The following ROBO1 variants were observed in gnomAD, a reference collection of about 807,000 sequenced individuals.
The protein encoded by ROBO1 is roundabout homolog 1.
A neutral mutation model predicts 195.9 loss-of-function variants in ROBO1; 149 were observed. The observed-to-expected ratio is 0.76, with a 90% CI of 0.67 to 0.87. The LOEUF (loss-of-function observed/expected upper bound fraction) is 0.87. Among genes scored for constraint, ROBO1 ranks in the 40% least tolerant of loss-of-function variants. ROBO1 has a pLI of 0.00. For synonymous variants in ROBO1, 816 were observed against 733.2 expected (o/e 1.11, Z -1.82); for missense variants, 1,933 against 2,068.3 (o/e 0.93, Z 1.27).
intron 2 of ROBO1, among the ~76,000 whole-genome samples, chr3:79,252,234 T>C (rs1039409412): frequency 8.5e-5 from 13 of 152,248 alleles, no homozygotes; most frequent in Middle Eastern, 3.4e-3. Context: ...TGCCCAGAAT[T>C]CATGTCCACC....
chr3:79,540,975 A>G (rs766140971), intron 2 of ROBO1, among the ~76,000 whole-genome samples: 2 of 152,118 alleles, frequency 1.3e-5, no homozygotes, highest in African/African-American at 4.8e-5. Context: ...TACTTTTTTT[A>G]GACTTAATAG....
intron 2 of ROBO1, among the ~76,000 whole-genome samples, chr3:79,318,089 T>G (rs1043832631): frequency 6.6e-6 from 1 of 152,152 alleles, no homozygotes; most frequent in Non-Finnish European, 1.5e-5. Context: ...GGGCAGTCAG[T>G]CTTTTGCTCT....
At chr3:79,107,440 G>A (rs531031594) in intron 3 of ROBO1, among the ~76,000 whole-genome samples, 17 of 151,600 alleles carry the variant, frequency 1.1e-4, no homozygotes, top group Non-Finnish European at 2.1e-4. Flanking sequence ...ATTTTACTGA[G>A]CATCATATAA....
chr3:79,275,037 C>T (rs1219357010), intron 2 of ROBO1, among the ~76,000 whole-genome samples: 1 of 151,940 alleles, frequency 6.6e-6, no homozygotes, highest in African/African-American at 2.4e-5. Flanking sequence ...AGATACGCTG[C>T]TGTATTTTAC....
intron 1 of ROBO1, among the ~76,000 whole-genome samples, chr3:79,718,412 C>G (rs1702572304): frequency 6.6e-6 from 1 of 151,832 alleles, no homozygotes; most frequent in African/African-American, 2.4e-5. Flanking sequence ...TTAGCTTTGA[C>G]TTTGGGGTTG....
chr3:78,879,606 C>T (rs1010900051), intron 4 of ROBO1, among the ~76,000 whole-genome samples: 6 of 151,330 alleles, frequency 4.0e-5, no homozygotes, highest in Admixed American at 3.3e-4. Flanking sequence ...TTTGCTGGCT[C>T]ACATGTTCAA....
intron 2 of ROBO1, among the ~76,000 whole-genome samples, chr3:79,176,445 T>C (rs2108716810): frequency 6.6e-6 from 1 of 152,264 alleles, no homozygotes; most frequent in East Asian, 1.9e-4. Flanking sequence ...GGCTTGTATA[T>C]ATCTGAAGAT....
intron 1 of ROBO1, among the ~76,000 whole-genome samples, chr3:79,602,647 G>A (rs1322607872): frequency 6.6e-6 from 1 of 151,954 alleles, no homozygotes; most frequent in African/African-American, 2.4e-5. Context: ...CAGTTGGATT[G>A]CAAATTAATT....
At chr3:79,195,020 T>C (rs866270055) in intron 2 of ROBO1, among the ~76,000 whole-genome samples, 1 of 151,650 alleles carries the variant, frequency 6.6e-6, no homozygotes, top group African/African-American at 2.4e-5. Context: ...ATGGAGTCTC[T>C]GTTAACACAT....
chr3:79,753,552 C>A lies in ROBO1; in HGVS notation c.-51+14200G>T, dbSNP rs181073766. Among the ~76,000 whole-genome samples the A allele has an allele frequency of 2.7e-4, 41 of 152,246 alleles. 1 individual carries two copies. The highest frequency in any genetic ancestry group is 9.9e-4 in the African/African-American group (41 of 41,558). ...GGTGCTTCTCCTGATGTTGAGCAAG[C>A]AGTAAGTGTTCTACAGACATCATCT... is the stretch of plus-strand genomic sequence containing the variant. On this transcript the variant is annotated intron_variant, in intron 1 of 30. Transcript: ENST00000464233.
At chr3:79,294,579 A>G (rs1191942231) in intron 2 of ROBO1, among the ~76,000 whole-genome samples, 1 of 152,350 alleles carries the variant, frequency 6.6e-6, no homozygotes, top group East Asian at 1.9e-4. Flanking sequence ...CAATGGTAAC[A>G]AAAGCCAAAA....
At chr3:79,388,629 C>T (rs2036839996) in intron 2 of ROBO1, among the ~76,000 whole-genome samples, 1 of 151,962 alleles carries the variant, frequency 6.6e-6, no homozygotes, top group Non-Finnish European at 1.5e-5. Flanking sequence ...ACATGGAAGC[C>T]CACTTTAGAC....
intron 7 of ROBO1, among the ~76,000 whole-genome samples, chr3:78,716,512 C>T (rs1390070521): frequency 1.3e-5 from 2 of 152,162 alleles, no homozygotes; most frequent in African/African-American, 4.8e-5. Context: ...CAACTGATTC[C>T]ACTCTTAACA....
intron 2 of ROBO1, among the ~76,000 whole-genome samples, chr3:79,426,131 C>T (rs965844541): frequency 4.6e-5 from 7 of 151,772 alleles, no homozygotes; most frequent in East Asian, 1.9e-4. Context: ...AAGCACAATT[C>T]GAAAAATTCA....
At chr3:79,327,108 AAAAC>A (rs2034244375) in intron 2 of ROBO1, among the ~76,000 whole-genome samples, 1 of 152,164 alleles carries the variant, frequency 6.6e-6, no homozygotes, top group Admixed American at 6.5e-5. Flanking sequence ...TACACACAAA[AAAAC>A]AAATAGGAAG....
At chr3:79,121,091 C>T (rs1288520301) in intron 3 of ROBO1, among the ~76,000 whole-genome samples, 1 of 152,076 alleles carries the variant, frequency 6.6e-6, no homozygotes, top group East Asian at 1.9e-4. Flanking sequence ...ACCCCAGGCC[C>T]TGTCTCTATT....
chr3:79,578,194 C>A (rs1943556122), intron 2 of ROBO1, among the ~76,000 whole-genome samples: 1 of 152,116 alleles, frequency 6.6e-6, no homozygotes, highest in Non-Finnish European at 1.5e-5. Context: ...TTATACATTA[C>A]TTGCAGGTAT....
chr3:78,777,112 T>A (rs185298442), intron 4 of ROBO1, among the ~76,000 whole-genome samples: 1 of 152,182 alleles, frequency 6.6e-6, no homozygotes. Context: ...TATCCTTAAG[T>A]GGATGGAAAG....
chr3:79,597,764 T>C (rs1324488529), intron 1 of ROBO1, among the ~76,000 whole-genome samples: 1 of 152,060 alleles, frequency 6.6e-6, no homozygotes, highest in Non-Finnish European at 1.5e-5. Flanking sequence ...AAAATAAGTT[T>C]AAAATTAAGA....
Sources: allele counts gnomAD v4.1 joint callset (sites outside exome capture counted in the v4.1 genomes callset), GRCh38; gene constraint gnomAD v4.1.1; transcripts MANE v1.5; gene names NCBI Gene and HGNC (gene_info 2026-07-23, HGNC 2026-07-21).